Variants in AKAP9 observed in about 807,000 individuals in gnomAD.
AKAP9 encodes the protein A-kinase anchor protein 9.
A neutral mutation model predicts 488.5 loss-of-function variants in AKAP9; 311 were observed. That is an observed-to-expected ratio of 0.64 (90% confidence interval 0.58 to 0.70). AKAP9 has a LOEUF of 0.70. Ranked by LOEUF, AKAP9 falls within the 30% of genes least tolerant of loss-of-function variation. AKAP9 has a pLI of 0.00. For missense variants in AKAP9, 4,215 were observed against 4,374.5 expected, an observed-to-expected ratio of 0.96 and a Z score of 1.03; for synonymous variants, 1,462 against 1,483.5, an observed-to-expected ratio of 0.99 and a Z score of 0.33.
At position 92,083,504 on chromosome 7, in the gene AKAP9, A is replaced by G. The variant is rs775741227; in HGVS notation, c.8495A>G (p.Gln2832Arg). ...TTTACTGAAAAAATTGAGAAGATGC[A>G]AGAACTACATGCTGCTGAAATTTTG... ...SQFTEKIEKM[Q>R]ELHAAEILDM... Residue 2832 changes from glutamine to arginine, a missense_variant, in exon 33 of 50, where the codon CAA becomes CGA. Physicochemically the swap from Gln to Arg is conservative, Grantham distance 43. This residue lies in a region of AKAP9 where 1,476 missense variants were observed against 1,477.4 expected (regional missense o/e 1.00). Transcript: ENST00000356239. The G allele has an allele frequency of 2.5e-6, 4 of 1,611,446 alleles. No homozygotes were observed. The highest frequency in any genetic ancestry group is 3.4e-6 in the Non-Finnish European group (4 of 1,178,798).
chr7:92,079,161 G>A lies in AKAP9; in HGVS notation c.7028G>A (p.Arg2343Lys). 1.2e-6 allele frequency: 2 copies of A among 1,613,972 alleles called. No homozygotes were observed. Among genetic ancestry groups the A allele is most frequent in the Non-Finnish European group, 1.7e-6 (2 of 1,179,938 alleles). The change falls in exon 31 of 50, where the codon AGA becomes AAA. Residue 2343 changes from arginine to lysine, a missense_variant. By Grantham distance (26) the Arg-to-Lys change is conservative. Transcript: ENST00000356239. ...ATGAGTGATCAAGAATGTGTGAAGA[G>A]AAATAGAGAAGAAGAAATAGAGCAG... ...CLMSDQECVK[R>K]NREEEIEQLN...
chr7:92,097,845 A>G, intron 42 of AKAP9, 51 bp downstream of exon 42: 1 of 1,566,378 alleles, frequency 6.4e-7, no homozygotes, highest in Non-Finnish European at 8.8e-7. Flanking sequence ...TAGGCTGGGT[A>G]GACCCCATGC....
Position 92,027,213 on chromosome 7 carries a change from G to A in AKAP9, c.4149-2682G>A, listed in dbSNP as rs1484900572. 1.1e-4 allele frequency among the ~76,000 whole-genome samples: 15 copies of A among 133,692 alleles called. No individual in the cohort carries two copies. The East Asian group carries it at 1.7e-3, about 15-fold the overall frequency. 87.7% of individuals were successfully genotyped at this position (133,692 alleles called of 152,430 possible). A position where few individuals can be genotyped will look rare whatever the true frequency, so the allele number is the denominator to read the frequency against. ...AGGAGTGCCTCTGCCCGGCTGCCGC[G>A]TCTGGGAGGTGAGCGCCTCTGCCCG... is the stretch of plus-strand genomic sequence containing the variant. On this transcript the variant is annotated intron_variant, in intron 14 of 49. Coordinates refer to ENST00000356239, the MANE Select transcript of AKAP9 (RefSeq NM_005751.5).
intron 3 of AKAP9, among the ~76,000 whole-genome samples, chr7:91,991,617 A>G (rs1234113197): frequency 7.3e-5 from 11 of 151,456 alleles, no homozygotes; most frequent in Admixed American, 3.9e-4. Context: ...GACTACAGGC[A>G]CCCGCCACCA....
chr7:92,025,107 C>T (rs993858657), intron 14 of AKAP9, among the ~76,000 whole-genome samples: 3 of 152,066 alleles, frequency 2.0e-5, no homozygotes, highest in African/African-American at 7.2e-5. Flanking sequence ...TTCAGAGGCA[C>T]GGAACCCATA....
chr7:92,028,296 A>T (rs1266884510), intron 14 of AKAP9, among the ~76,000 whole-genome samples: 1 of 2,688 alleles, frequency 3.7e-4, no homozygotes, highest in Non-Finnish European at 6.0e-4. Context: ...AATAAATACT[A>T]AAAAAAAAAA....
At chr7:92,075,627 A>C (rs1199174036) in intron 28 of AKAP9, among the ~76,000 whole-genome samples, 1 of 152,234 alleles carries the variant, frequency 6.6e-6, no homozygotes, top group Non-Finnish European at 1.5e-5. Context: ...CTGAAAGCAA[A>C]TTACTCCTCT....
chr7:91,993,420 G>C (rs563876580), intron 5 of AKAP9, among the ~76,000 whole-genome samples: 4 of 152,064 alleles, frequency 2.6e-5, no homozygotes, highest in African/African-American at 7.2e-5. Flanking sequence ...AAAGTGCTAG[G>C]ATTACAGGCG....
intron 28 of AKAP9, among the ~76,000 whole-genome samples, chr7:92,075,817 G>A (rs1035097939): frequency 6.6e-6 from 1 of 152,200 alleles, no homozygotes; most frequent in Non-Finnish European, 1.5e-5. Flanking sequence ...TAAGCTAACT[G>A]GTTTTTAAGG....
At chr7:92,007,281 C>CCTT (rs1800010058) in intron 8 of AKAP9, among the ~76,000 whole-genome samples, 1 of 84,120 alleles carries the variant, frequency 1.2e-5, no homozygotes, top group East Asian at 4.7e-4. Flanking sequence ...AACTGAAATT[C>CCTT]TTTTTTTTTT....
Position 92,001,697 on chromosome 7 carries a change from A to G in AKAP9, c.1780A>G (p.Thr594Ala), listed in dbSNP as rs1410456323. 5 of 1,612,342 alleles carry G rather than the reference A, an allele frequency of 3.1e-6. No individual in the cohort carries two copies. In the South Asian group the frequency reaches 4.4e-5, roughly 14 times the overall value. ...AGAATTAAAACATGAAGCAGAAGTTACAAATTACAAGATAAAACTTGAAAT... is the reference window on the plus strand; with the variant it reads ...AGAATTAAAACATGAAGCAGAAGTTGCAAATTACAAGATAAAACTTGAAAT... ...ELELKHEAEV[T>A]NYKIKLEMLE... is the part of the protein sequence containing the mutation. Residue 594 changes from threonine to alanine, a missense_variant, in exon 8 of 50, where the codon ACA becomes GCA. Transcript: ENST00000356239.
chr7:92,108,073 T>A, intron 48 of AKAP9: 1 of 220,114 alleles, frequency 4.5e-6, no homozygotes, highest in Non-Finnish European at 9.1e-6. Flanking sequence ...AATGTAAAAA[T>A]GTAAAAACCA....
At chr7:92,024,949 G>A (rs572375111) in intron 14 of AKAP9, among the ~76,000 whole-genome samples, 1 of 152,190 alleles carries the variant, frequency 6.6e-6, no homozygotes, top group African/African-American at 2.4e-5. Context: ...TTCTAAACAT[G>A]ACCATACATC....
At position 92,002,324 on chromosome 7, in the gene AKAP9, T is replaced by C. The variant is rs759926255; in HGVS notation, c.2407T>C (p.Leu803=). Residue 803 remains leucine (L), a synonymous_variant, in exon 8 of 50, where the codon TTG becomes CTG. Transcript: ENST00000356239. The stretch of plus-strand genomic sequence containing the variant: ...TACTCCTGTTAGCCAAGAAGAAAGA[T>C]TGATTTTCTTAGACTCCATTAAGTC... ...IHTPVSQEER[L]IFLDSIKSKS... is the part of the protein sequence containing the mutation. The C allele has an allele frequency of 6.8e-6, 11 of 1,612,904 alleles. No individual in the cohort carries two copies. Among genetic ancestry groups the C allele is most frequent in the African/African-American group, 5.3e-5 (4 of 74,888 alleles).
In AKAP9 at chr7:92,000,927, A is replaced by C; in HGVS notation, c.1010A>C (p.Lys337Thr). 6.8e-7 allele frequency: 1 copy of C among 1,478,716 alleles called. No individual in the cohort carries two copies. The highest frequency in any genetic ancestry group is 9.1e-7 in the Non-Finnish European group (1 of 1,101,586). The allele number at this position is 1,478,716 out of a possible 1,614,324, so 91.6% of individuals were successfully genotyped here. A position where few individuals can be genotyped will look rare whatever the true frequency, so the allele number is the denominator to read the frequency against. The change falls in exon 8 of 50, where the codon AAA becomes ACA. Residue 337 changes from lysine to threonine, a missense_variant. Transcript: ENST00000356239. The stretch of plus-strand genomic sequence containing the variant: ...ACAATCATTGAAGAATTAAACACAA[A>C]AATAATAGAAGAAGAAAAGAAAACT... ...KETIIEELNT[K>T]IIEEEKKTLE...
In AKAP9 at chr7:92,084,626, T is replaced by C. The variant is rs1043475985; in HGVS notation, c.8647-14T>C. On this transcript the variant is annotated splice_polypyrimidine_tract_variant and intron_variant, in intron 33 of 49. Transcript: ENST00000356239. The stretch of plus-strand genomic sequence containing the variant: ...AAGCAAAAAATATATGTACTTTTTG[T>C]TTTCTCTAATTAGGGATCCTCAATT... The C allele has an allele frequency of 2.5e-6, 4 of 1,594,742 alleles. No homozygotes were observed. Among genetic ancestry groups the C allele is most frequent in the Non-Finnish European group, 3.4e-6 (4 of 1,164,646 alleles).
In AKAP9 at chr7:92,067,681, A is replaced by G. The variant is rs7779319; in HGVS notation, c.6330+1135A>G. On this transcript the variant is annotated intron_variant, in intron 26 of 49. Coordinates refer to ENST00000356239, the MANE Select transcript of AKAP9 (RefSeq NM_005751.5). ...TCCACATTTACCAAATGAATGCTAC[A>G]TAAATGAGAGAGGATTCACTGTATG... Among the ~76,000 whole-genome samples the G allele has an allele frequency of 2.8e-3, 423 of 152,342 alleles. 1 individual carries two copies. The highest frequency in any genetic ancestry group is 9.8e-3 in the African/African-American group (408 of 41,590).
At chr7:92,031,948 C>T (rs575508091) in intron 16 of AKAP9, among the ~76,000 whole-genome samples, 1 of 152,224 alleles carries the variant, frequency 6.6e-6, no homozygotes, top group Non-Finnish European at 1.5e-5. Context: ...TATATATTAT[C>T]TGTATCTATT....
In AKAP9 at chr7:91,994,763, T is replaced by C. The variant is rs1488214299; in HGVS notation, c.719T>C (p.Ile240Thr). ...ACAGAACAGAGTCAAAAATTACAGA[T>C]TCAATTTCAGCAAGTAAGTATTACT... is the stretch of plus-strand genomic sequence containing the variant. ...ELTEQSQKLQ[I>T]QFQQLQASET... The change falls in exon 6 of 50, where the codon ATT becomes ACT. Residue 240 changes from isoleucine (I) to threonine (T), a missense_variant. Around this residue, in one of 5 missense-constraint regions of AKAP9, gnomAD observed 2,361 missense variants for 2,430.0 expected, o/e 0.97. Coordinates refer to ENST00000356239, the MANE Select transcript of AKAP9 (RefSeq NM_005751.5). 3 of 1,611,012 alleles carry C rather than the reference T, an allele frequency of 1.9e-6. No homozygotes were observed. The highest frequency in any genetic ancestry group is 2.5e-6 in the Non-Finnish European group (3 of 1,178,822).
Sources: gnomAD v4.1 joint callset for allele counts (sites outside exome capture counted in the v4.1 genomes callset) on GRCh38, gnomAD v4.1.1 for gene constraint, gnomAD v4.1.1 regional missense constraint, MANE v1.5 for transcripts, NCBI Gene and HGNC (gene_info 2026-07-23, HGNC 2026-07-21) for gene names.